The following CDC37L1 variants were observed in gnomAD, a reference collection of about 807,000 sequenced individuals.
CDC37L1 encodes the protein hsp90 co-chaperone Cdc37-like 1.
CDC37L1 carries 32 observed loss-of-function variants against 45.9 expected under a neutral mutation model. The observed-to-expected ratio is 0.70, with a 90% CI of 0.53 to 0.94. The LOEUF (loss-of-function observed/expected upper bound fraction) is 0.94, where lower values mean the gene tolerates loss of function less well. CDC37L1 is among the 40% of genes least tolerant of loss of function. The pLI, the probability that CDC37L1 is intolerant of heterozygous loss-of-function variation, is 0.00. For synonymous variants in CDC37L1, 150 were observed against 133.0 expected (o/e 1.13, Z -0.88); for missense variants, 434 against 405.7 (o/e 1.07, Z -0.60).
chr9:4,702,619 C>T (rs1186465003), intron 6 of CDC37L1, among the ~76,000 whole-genome samples: 7 of 152,040 alleles, frequency 4.6e-5, no homozygotes, highest in Admixed American at 6.5e-5. Flanking sequence ...CAGTGGCTCG[C>T]GCCTGTAATC....
At chr9:4,680,231 C>G (rs1479121394) in intron 1 of CDC37L1, among the ~76,000 whole-genome samples, 2 of 152,270 alleles carry the variant, frequency 1.3e-5, no homozygotes, top group Middle Eastern at 3.4e-3. Flanking sequence ...TAACATTGAC[C>G]CTTTGTCCTC....
chr9:4,680,647 C>A (rs1429585669), intron 1 of CDC37L1, among the ~76,000 whole-genome samples: 1 of 152,138 alleles, frequency 6.6e-6, no homozygotes, highest in Non-Finnish European at 1.5e-5. Context: ...AGGGACCTAT[C>A]TTAGGGGATA....
At chr9:4,698,006 G>C in intron 5 of CDC37L1, 127 bp downstream of exon 5, 2 of 842,982 alleles carry the variant, frequency 2.4e-6, no homozygotes, top group Non-Finnish European at 3.7e-6. Flanking sequence ...ATTTTCTTGT[G>C]AAAAGAAAAT....
At chr9:4,702,782 G>A (rs12337399) in intron 6 of CDC37L1, among the ~76,000 whole-genome samples, 2,052 of 151,326 alleles carry the variant, frequency 0.014, 29 homozygotes, top group African/African-American at 0.037. Context: ...CCAGCTACTC[G>A]GGAGGCTGAG....
At chr9:4,684,841 C>A in intron 1 of CDC37L1, 36 bp from the exon 2 acceptor site, 3 of 1,522,190 alleles carry the variant, frequency 2.0e-6, no homozygotes, top group Non-Finnish European at 2.7e-6. Context: ...ACATCCATTG[C>A]TTTCTTCATT....
chr9:4,687,810 G>C (rs1274657498), intron 2 of CDC37L1, among the ~76,000 whole-genome samples: 1 of 151,528 alleles, frequency 6.6e-6, no homozygotes, highest in African/African-American at 2.4e-5. Flanking sequence ...TTTCCAGCAA[G>C]AACTCGAAAG....
At chr9:4,683,316 G>C (rs532458723) in intron 1 of CDC37L1, among the ~76,000 whole-genome samples, 1 of 151,782 alleles carries the variant, frequency 6.6e-6, no homozygotes, top group East Asian at 1.9e-4. Flanking sequence ...ACTTGCCTCA[G>C]AATTGTTTAC....
chr9:4,691,929 A>G (rs1025038570), intron 3 of CDC37L1, among the ~76,000 whole-genome samples: 11 of 152,304 alleles, frequency 7.2e-5, no homozygotes, highest in East Asian at 1.9e-4. Context: ...AGTTATATGC[A>G]TGTTTGACAT....
At chr9:4,691,575 C>T in intron 3 of CDC37L1, among the ~76,000 whole-genome samples, 1 of 151,964 alleles carries the variant, frequency 6.6e-6, no homozygotes. Flanking sequence ...TGACACGGGC[C>T]TGGTGTGTGT....
chr9:4,682,159 CTCTTTTTT>C (rs1841200509), intron 1 of CDC37L1, among the ~76,000 whole-genome samples: 1 of 48,466 alleles, frequency 2.1e-5, no homozygotes, highest in East Asian at 8.6e-4. Flanking sequence ...ATTATCCTTT[CTCTTTTTT>C]TTTTTTTTTT....
At position 4,706,978 on chromosome 9, in the gene CDC37L1, T is replaced by C. The variant is rs1362788571; in HGVS notation, c.*866T>C. 6.6e-6 allele frequency: 1 copy of C among 152,210 alleles called. No individual in the cohort carries two copies. Among genetic ancestry groups the C allele is most frequent in the African/African-American group, 2.4e-5 (1 of 41,464 alleles). The allele number at this position is 152,210 out of a possible 1,614,324, so 9.4% of individuals were successfully genotyped here. ...AAATTTGTAGTTATTTTACTCATGT[T>C]GCCTTTTAATTTTTGTTATTTTGGT... On this transcript the variant is annotated 3_prime_UTR_variant, in exon 7 of 7. Transcript: ENST00000381854.
At chr9:4,690,760 T>C (rs1173032570) in intron 3 of CDC37L1, among the ~76,000 whole-genome samples, 2 of 152,232 alleles carry the variant, frequency 1.3e-5, no homozygotes, top group African/African-American at 2.4e-5. Flanking sequence ...TGTTTCTTAC[T>C]GAAAATGCAT....
At chr9:4,688,966 A>T (rs1427421057) in intron 3 of CDC37L1, among the ~76,000 whole-genome samples, 1 of 151,540 alleles carries the variant, frequency 6.6e-6, no homozygotes, top group African/African-American at 2.4e-5. Flanking sequence ...AAGATTATTC[A>T]TTTTTTTTCA....
chr9:4,695,305 C>G (rs934499099), intron 3 of CDC37L1, among the ~76,000 whole-genome samples: 2 of 152,108 alleles, frequency 1.3e-5, no homozygotes, highest in Admixed American at 6.5e-5. Flanking sequence ...TCACCTCAGC[C>G]TCCCAAATAG....
At chr9:4,694,261 G>T (rs943268593) in intron 3 of CDC37L1, among the ~76,000 whole-genome samples, 7 of 152,114 alleles carry the variant, frequency 4.6e-5, no homozygotes, top group Admixed American at 1.3e-4. Context: ...CTCATTTTGT[G>T]TGGAGACACG....
chr9:4,688,806 A>G (rs139379584), intron 3 of CDC37L1, among the ~76,000 whole-genome samples, 200 bp downstream of exon 3: 1 of 152,124 alleles, frequency 6.6e-6, no homozygotes, highest in East Asian at 1.9e-4. Context: ...GAGCAAACCA[A>G]ATGGTAAAGA....
chr9:4,679,589 C>G lies in CDC37L1; in HGVS notation c.-179C>G. 1.9e-6 allele frequency: 1 copy of G among 534,952 alleles called. No individual in the cohort carries two copies. Among genetic ancestry groups the G allele is most frequent in the Non-Finnish European group, 3.3e-6 (1 of 304,578 alleles). 33.1% of individuals were successfully genotyped at this position (534,952 alleles called of 1,614,324 possible). On this transcript the variant is annotated 5_prime_UTR_variant, in exon 1 of 7. Transcript: ENST00000381854. The stretch of plus-strand genomic sequence containing the variant: ...TATTTCTTCCGCCGTCCGCCGGTGG[C>G]GAGGCCCAGGCTGTCGCCGGGTGTG...
chr9:4,698,136 T>C (rs1028323390), intron 5 of CDC37L1, among the ~76,000 whole-genome samples: 1 of 152,152 alleles, frequency 6.6e-6, no homozygotes, highest in Admixed American at 6.6e-5. Context: ...AAACTTACGT[T>C]CCATCATTAA....
intron 3 of CDC37L1, 95 bp from the exon 4 acceptor site, chr9:4,697,001 T>C (rs1236842285): frequency 2.1e-5 from 13 of 634,108 alleles, no homozygotes; most frequent in South Asian, 1.1e-4. Context: ...AAAAATACCA[T>C]TGAGAGATTA....
Sources: gnomAD v4.1 joint callset for allele counts (sites outside exome capture counted in the v4.1 genomes callset) on GRCh38, gnomAD v4.1.1 for gene constraint, MANE v1.5 for transcripts, NCBI Gene and HGNC (gene_info 2026-07-23, HGNC 2026-07-21) for gene names.